ASIP: variants seen among roughly 807,000 people sequenced by gnomAD.
ASIP encodes agouti signaling protein, also known as agouti-signaling protein.
In ASIP, 11 loss-of-function variants were observed where a neutral mutation model predicts 10.3. The ratio of observed to expected loss-of-function variants is 1.07; its 90% confidence interval spans 0.68 to 1.78. The LOEUF is 1.78. Ranked by LOEUF, ASIP falls within the 40% of genes most tolerant of loss-of-function variation. The pLI is 0.00. For missense variants in ASIP, 180 were observed against 169.2 expected (o/e 1.06, Z -0.35); for synonymous variants, 70 against 70.8 (o/e 0.99, Z 0.06).
chr20:34,236,046 AAAGG>A (rs1036928267), intron 1 of ASIP, among the ~76,000 whole-genome samples: 3 of 145,016 alleles, frequency 2.1e-5, no homozygotes, highest in Admixed American at 6.8e-5. Context: ...AAGAAACAGA[AAAGG>A]AAGGAAGGAG....
At chr20:34,258,427 G>C (rs1303102874) in intron 1 of ASIP, among the ~76,000 whole-genome samples, 2 of 149,722 alleles carry the variant, frequency 1.3e-5, no homozygotes, top group Non-Finnish European at 3.0e-5. Flanking sequence ...TATGAAATGT[G>C]AGAAGGGCAA....
intron 1 of ASIP, chr20:34,246,460 TG>T: frequency 7.1e-7 from 1 of 1,401,402 alleles, no homozygotes; most frequent in African/African-American, 1.4e-5. Flanking sequence ...GGACTCGAAG[TG>T]GGTAATTGGC....
intron 1 of ASIP, among the ~76,000 whole-genome samples, chr20:34,233,143 C>CTTTTTTTTTTTTTTTT (rs755217642): frequency 1.0e-5 from 1 of 100,314 alleles, no homozygotes; most frequent in African/African-American, 4.3e-5. Flanking sequence ...GGGACAAGAG[C>CTTTTTTTTTTTTTTTT]TTTTTTTTTT....
intron 1 of ASIP, among the ~76,000 whole-genome samples, chr20:34,221,905 T>G (rs571728265): frequency 6.6e-6 from 1 of 151,350 alleles, no homozygotes; most frequent in South Asian, 2.1e-4. Context: ...AGCTCAGGAG[T>G]TCAAGACCAG....
chr20:34,222,642 CTCTCCG>C (rs536815890), intron 1 of ASIP, among the ~76,000 whole-genome samples: 6 of 142,000 alleles, frequency 4.2e-5, no homozygotes, highest in Non-Finnish European at 8.8e-5. Flanking sequence ...CTCCCTCTCC[CTCTCCG>C]TCTCCCTCTC....
At chr20:34,258,574 C>T (rs1455932933) in intron 1 of ASIP, among the ~76,000 whole-genome samples, 7 of 142,146 alleles carry the variant, frequency 4.9e-5, no homozygotes, top group African/African-American at 1.8e-4. Flanking sequence ...AGTAGCCAAG[C>T]TTGGATGGAA....
chr20:34,243,736 T>C (rs1318830004), intron 1 of ASIP, among the ~76,000 whole-genome samples: 2 of 150,168 alleles, frequency 1.3e-5, no homozygotes, highest in East Asian at 3.9e-4. Flanking sequence ...TCTAATACTT[T>C]ACATTTTTCT....
At chr20:34,217,172 T>G (rs1601575561) in intron 1 of ASIP, among the ~76,000 whole-genome samples, 2 of 152,090 alleles carry the variant, frequency 1.3e-5, no homozygotes, top group East Asian at 3.9e-4. Context: ...GCGCGGTGGC[T>G]CACGCCTGTA....
At chr20:34,257,070 C>CTTTTTTTTTTTTTTTTTTTTT (rs56227909) in intron 1 of ASIP, among the ~76,000 whole-genome samples, 2 of 139,418 alleles carry the variant, frequency 1.4e-5, no homozygotes, top group Non-Finnish European at 1.6e-5. Context: ...CTTTCTTTCT[C>CTTTTTTTTTTTTTTTTTTTTT]TTTTTTTTTT....
chr20:34,213,408 AACACC>A, intron 1 of ASIP: 1 of 744,590 alleles, frequency 1.3e-6, no homozygotes, highest in Non-Finnish European at 2.2e-6. Context: ...TGCTATAACC[AACACC>A]TGAAAAATGT....
At position 34,258,688 on chromosome 20, in the gene ASIP, T is replaced by TATATATATATATATATATATATAC. The variant is rs1277541256; in HGVS notation, c.-10-1674_-10-1673insTATATATATATATATATATACATA. On this transcript the variant is annotated intron_variant, in intron 1 of 3. Coordinates refer to ENST00000374954, the MANE Select transcript of ASIP (RefSeq NM_001672.3). Reference sequence around the variant, plus strand: ...AAGGGGGATGCCATATATATATATATATACATACTATATATATATATTATA... The same window carrying TATATATATATATATATATATATAC: ...AAGGGGGATGCCATATATATATATATATATATATATATATATATATATACATACATACTATATATATATATTATA... Among the ~76,000 whole-genome samples, 20 of 66,554 alleles carry TATATATATATATATATATATATAC rather than the reference T, an allele frequency of 3.0e-4. 2 individuals are homozygous for TATATATATATATATATATATATAC. Among genetic ancestry groups the TATATATATATATATATATATATAC allele is most frequent in the Non-Finnish European group, 4.4e-4 (19 of 42,810 alleles). The allele number at this position is 66,554 out of a possible 152,430, so 43.7% of individuals were successfully genotyped here. A position where few individuals can be genotyped will look rare whatever the true frequency, so the allele number is the denominator to read the frequency against.
intron 1 of ASIP, among the ~76,000 whole-genome samples, chr20:34,243,401 CGTGTATGTA>C (rs1254555499): frequency 1.3e-5 from 2 of 152,098 alleles, no homozygotes; most frequent in African/African-American, 4.8e-5. Context: ...GAAATCGGTA[CGTGTATGTA>C]GATACAGCCC....
At chr20:34,217,740 T>C (rs893223712) in intron 1 of ASIP, among the ~76,000 whole-genome samples, 3 of 152,122 alleles carry the variant, frequency 2.0e-5, no homozygotes, top group African/African-American at 7.2e-5. Flanking sequence ...TTTTTTGTAC[T>C]TTTAGTAGAG....
At chr20:34,232,197 T>C (rs1293859855) in intron 1 of ASIP, among the ~76,000 whole-genome samples, 1 of 152,200 alleles carries the variant, frequency 6.6e-6, no homozygotes, top group Non-Finnish European at 1.5e-5. Flanking sequence ...CCCAGGGAGA[T>C]ATTACTTCAC....
chr20:34,191,109 A>G (rs1435651261), upstream of ASIP, among the ~76,000 whole-genome samples: 1 of 152,222 alleles, frequency 6.6e-6, no homozygotes, highest in Admixed American at 6.5e-5. Flanking sequence ...AAGACTTTAA[A>G]GGAAAGTGTG....
chr20:34,209,803 C>T (rs1795874548), intron 1 of ASIP, among the ~76,000 whole-genome samples: 4 of 152,126 alleles, frequency 2.6e-5, no homozygotes, highest in South Asian at 4.1e-4. Flanking sequence ...AACCTGGGTG[C>T]GATGGACAGC....
chr20:34,218,071 G>A (rs1430360928), intron 1 of ASIP, among the ~76,000 whole-genome samples: 2 of 152,178 alleles, frequency 1.3e-5, no homozygotes, highest in Admixed American at 1.3e-4. Context: ...TTCAGCATTT[G>A]TAATTGTTCT....
chr20:34,248,506 T>C (rs778680209), intron 1 of ASIP, among the ~76,000 whole-genome samples: 4 of 152,100 alleles, frequency 2.6e-5, no homozygotes, highest in Non-Finnish European at 5.9e-5. Flanking sequence ...ATCCTCACCA[T>C]AAAAGAAATA....
Position 34,201,506 on chromosome 20 carries a change from T to A in ASIP, c.-11+6746T>A, listed in dbSNP as rs1387986915. ...CAAACAGGTGTAAAAAAATTTCACATTGAAATGATACAAACATTTGATGTA... is the reference window on the plus strand; with the variant it reads ...CAAACAGGTGTAAAAAAATTTCACAATGAAATGATACAAACATTTGATGTA... On this transcript the variant is annotated intron_variant, in intron 1 of 3. Transcript: ENST00000568305. 9.3e-4 allele frequency among the ~76,000 whole-genome samples: 141 copies of A among 152,322 alleles called. 2 individuals carry two copies. Among genetic ancestry groups the A allele is most frequent in the Non-Finnish European group, 7.4e-5 (5 of 68,026 alleles).
Sources: gnomAD v4.1 joint callset for allele counts (sites outside exome capture counted in the v4.1 genomes callset) on GRCh38, gnomAD v4.1.1 for gene constraint, MANE v1.5 for transcripts, NCBI Gene and HGNC (gene_info 2026-07-23, HGNC 2026-07-21) for gene names.